RBFOX1: variants seen among roughly 807,000 people sequenced by gnomAD.
RBFOX1 encodes the protein RNA binding protein fox-1 homolog 1.
In RBFOX1, 8 loss-of-function variants were observed where a neutral mutation model predicts 57.7. That is an observed-to-expected ratio of 0.14 (90% CI 0.08 to 0.25). The LOEUF (loss-of-function observed/expected upper bound fraction) is 0.25, where lower values mean the gene tolerates loss of function less well. Among genes scored for constraint, RBFOX1 ranks in the 10% least tolerant of loss-of-function variants. RBFOX1 has a pLI of 1.00. For synonymous variants in RBFOX1, 326 were observed against 222.4 expected (o/e 1.47, Z -4.15); for missense variants, 611 against 548.5 (o/e 1.11, Z -1.14).
intron 2 of RBFOX1, among the ~76,000 whole-genome samples, chr16:6,527,131 GTTAAAACCTT>G (rs2096591927): frequency 6.6e-6 from 1 of 151,984 alleles, no homozygotes; most frequent in African/African-American, 2.4e-5. Flanking sequence ...TATTCAATAT[GTTAAAACCTT>G]TTAAAACATT....
intron 4 of RBFOX1, among the ~76,000 whole-genome samples, chr16:7,327,449 G>A (rs1435787922): frequency 6.6e-6 from 1 of 152,206 alleles, no homozygotes; most frequent in African/African-American, 2.4e-5. Context: ...CAAAGTGAGT[G>A]ATTGTGTGAG....
At chr16:6,331,416 C>T (rs1225346357) in intron 2 of RBFOX1, among the ~76,000 whole-genome samples, 1 of 150,934 alleles carries the variant, frequency 6.6e-6, no homozygotes, top group African/African-American at 2.4e-5. Context: ...CACTGCACTT[C>T]ATCCTGGGTG....
rs74004789 is a variant in RBFOX1, at chr16:6,121,862, A to C, written c.-127+101870A>C. Reference sequence around the variant, plus strand: ...GGGATTAAGTGAGGCAATACCTGTAAAATGCCTAAGACAGAGTTAGTAGTC... The same window carrying C: ...GGGATTAAGTGAGGCAATACCTGTACAATGCCTAAGACAGAGTTAGTAGTC... On this transcript the variant is annotated intron_variant, in intron 1 of 15. Coordinates refer to ENST00000550418, the MANE Select transcript of RBFOX1 (RefSeq NM_018723.4). 9.1e-3 allele frequency among the ~76,000 whole-genome samples: 1,388 copies of C among 152,284 alleles called. 27 individuals carry two copies. Among genetic ancestry groups the C allele is most frequent in the African/African-American group, 0.031 (1,285 of 41,560 alleles).
At chr16:6,738,980 G>A (rs958344477) in intron 3 of RBFOX1, among the ~76,000 whole-genome samples, 2 of 152,152 alleles carry the variant, frequency 1.3e-5, no homozygotes, top group African/African-American at 4.8e-5. Context: ...GTGTGTCGCA[G>A]CCAAAGCAGT....
chr16:5,921,701 T>G (rs1273689801), intron 4 of RBFOX1, among the ~76,000 whole-genome samples: 2 of 152,190 alleles, frequency 1.3e-5, no homozygotes, highest in Non-Finnish European at 2.9e-5. Context: ...CTAATGGTTC[T>G]GCAGGCTGTA....
rs78297586 is a variant in RBFOX1, at chr16:7,443,680, A to G, written c.28-74467A>G. On this transcript the variant is annotated intron_variant, in intron 4 of 15. Transcript: ENST00000550418. ...TGTCTGTAGATGTAGACTTCTGTAT[A>G]TATCTACTTTTCACAAACTTGAAAT... 0.025 allele frequency among the ~76,000 whole-genome samples: 3,834 copies of G among 152,318 alleles called. 348 individuals are homozygous for G. The East Asian group carries it at 0.31, about 12-fold the overall frequency.
At chr16:5,705,006 G>T (rs557569062) in intron 3 of RBFOX1, among the ~76,000 whole-genome samples, 21 of 143,496 alleles carry the variant, frequency 1.5e-4, no homozygotes, top group African/African-American at 5.5e-4. Context: ...CTTCCACCAG[G>T]AATCTCTCCC....
At chr16:5,996,642 A>G (rs1344753915) in intron 4 of RBFOX1, among the ~76,000 whole-genome samples, 1 of 152,116 alleles carries the variant, frequency 6.6e-6, no homozygotes, top group Non-Finnish European at 1.5e-5. Context: ...CAGCATAGGC[A>G]TTTACCACCT....
chr16:7,443,665 T>C (rs561342685), intron 4 of RBFOX1, among the ~76,000 whole-genome samples: 1 of 152,368 alleles, frequency 6.6e-6, no homozygotes, highest in Non-Finnish European at 1.5e-5. Flanking sequence ...TGTCTGTAGA[T>C]GTAGACTTCT....
chr16:6,237,651 G>T (rs922363160), intron 1 of RBFOX1, among the ~76,000 whole-genome samples: 2 of 151,730 alleles, frequency 1.3e-5, no homozygotes, highest in East Asian at 2.0e-4. Context: ...GTGGGGAAGA[G>T]AATTGTTTGA....
chr16:5,775,583 C>G (rs1197276090), intron 3 of RBFOX1, among the ~76,000 whole-genome samples: 1 of 152,210 alleles, frequency 6.6e-6, no homozygotes, highest in Non-Finnish European at 1.5e-5. Flanking sequence ...TCTCAATGCT[C>G]AGGTGGCCTG....
chr16:6,007,049 T>C (rs1008176890), intron 4 of RBFOX1, among the ~76,000 whole-genome samples: 14 of 152,256 alleles, frequency 9.2e-5, no homozygotes, highest in Non-Finnish European at 1.8e-4. Flanking sequence ...ATCTCTGCCA[T>C]CCATGTAGGA....
chr16:6,426,126 T>C (rs1485331718), intron 2 of RBFOX1, among the ~76,000 whole-genome samples: 1 of 151,740 alleles, frequency 6.6e-6, no homozygotes. Context: ...GTCTCTCTCT[T>C]ATTCTCTCTC....
intron 13 of RBFOX1, among the ~76,000 whole-genome samples, chr16:7,670,540 G>T (rs1245164868): frequency 4.6e-5 from 7 of 152,136 alleles, no homozygotes; most frequent in Admixed American, 4.6e-4. Context: ...GCATAACGGG[G>T]TGGTTAGACC....
At chr16:5,980,624 G>T (rs182934930) in intron 4 of RBFOX1, among the ~76,000 whole-genome samples, 12 of 152,100 alleles carry the variant, frequency 7.9e-5, no homozygotes, top group South Asian at 2.1e-4. Context: ...CTTTGGAGGG[G>T]ATTTGTGATA....
chr16:7,177,323 C>G (rs2081877079), intron 4 of RBFOX1, among the ~76,000 whole-genome samples: 2 of 152,094 alleles, frequency 1.3e-5, no homozygotes, highest in South Asian at 4.1e-4. Flanking sequence ...CTGAAGGCCT[C>G]AAGAGCTGAG....
chr16:6,965,173 G>C (rs2083847881), intron 3 of RBFOX1, among the ~76,000 whole-genome samples: 1 of 152,160 alleles, frequency 6.6e-6, no homozygotes, highest in African/African-American at 2.4e-5. Context: ...GATTGCTGTG[G>C]TGGTAGATTC....
intron 4 of RBFOX1, among the ~76,000 whole-genome samples, chr16:7,295,203 C>G (rs1050033378): frequency 2.0e-5 from 3 of 152,142 alleles, no homozygotes; most frequent in Non-Finnish European, 4.4e-5. Flanking sequence ...ATTGTGTACT[C>G]AGAAGACCAG....
At chr16:5,685,805 T>G (rs983807706) in intron 3 of RBFOX1, among the ~76,000 whole-genome samples, 5 of 152,206 alleles carry the variant, frequency 3.3e-5, no homozygotes, top group Non-Finnish European at 4.4e-5. Flanking sequence ...ACCTAACAGA[T>G]CTGAAGATGT....
Sources: allele counts gnomAD v4.1 joint callset (sites outside exome capture counted in the v4.1 genomes callset), GRCh38; gene constraint gnomAD v4.1.1; transcripts MANE v1.5; gene names NCBI Gene and HGNC (gene_info 2026-07-23, HGNC 2026-07-21).